The following BMERB1 variants were observed in gnomAD, a reference collection of about 807,000 sequenced individuals.
BMERB1 encodes the protein bMERB domain-containing protein 1.
Under a neutral mutation model 23.6 loss-of-function variants are expected in BMERB1, and 12 were observed. That is an observed-to-expected ratio of 0.51 (90% CI 0.33 to 0.82). The LOEUF (loss-of-function observed/expected upper bound fraction) is 0.82. Ranked by LOEUF, BMERB1 falls within the 40% of genes least tolerant of loss-of-function variation. BMERB1 has a pLI of 0.03. For missense variants in BMERB1, 247 were observed against 255.4 expected (o/e 0.97, Z 0.22); for synonymous variants, 122 against 96.6 (o/e 1.26, Z -1.54).
At chr16:15,484,197 C>T (rs1008956782) in intron 1 of BMERB1, among the ~76,000 whole-genome samples, 1 of 152,172 alleles carries the variant, frequency 6.6e-6, no homozygotes, top group African/African-American at 2.4e-5. Context: ...CAACAGGCCC[C>T]ACTTCCAACA....
At chr16:15,473,723 ATTCTT>A (rs1175535399) in intron 1 of BMERB1, among the ~76,000 whole-genome samples, 4 of 152,190 alleles carry the variant, frequency 2.6e-5, no homozygotes, top group Non-Finnish European at 5.9e-5. Flanking sequence ...ACAATTCATA[ATTCTT>A]TTCTTTTACT....
At chr16:15,510,075 G>A (rs1047102031) in intron 1 of BMERB1, among the ~76,000 whole-genome samples, 3 of 152,128 alleles carry the variant, frequency 2.0e-5, no homozygotes, top group African/African-American at 7.2e-5. Context: ...AGCCAGCAGG[G>A]GCTGCAAGGG....
At chr16:15,555,360 C>T (rs572191715) in intron 2 of BMERB1, among the ~76,000 whole-genome samples, 3 of 152,216 alleles carry the variant, frequency 2.0e-5, no homozygotes, top group African/African-American at 7.2e-5. Context: ...GCATGAGCCA[C>T]TGTGCCTGGC....
chr16:15,474,022 A>G (rs934332152), intron 1 of BMERB1, among the ~76,000 whole-genome samples: 26 of 151,538 alleles, frequency 1.7e-4, no homozygotes, highest in African/African-American at 6.3e-4. Flanking sequence ...CGGGAGGCTG[A>G]GGCAGGAGAA....
At chr16:15,495,299 G>T (rs1461432294) in intron 1 of BMERB1, among the ~76,000 whole-genome samples, 1 of 152,040 alleles carries the variant, frequency 6.6e-6, no homozygotes, top group South Asian at 2.1e-4. Context: ...GGGTTCAAGC[G>T]ATTCTCCTGC....
intron 3 of BMERB1, among the ~76,000 whole-genome samples, chr16:15,571,837 C>T (rs948464228): frequency 6.6e-6 from 1 of 152,082 alleles, no homozygotes; most frequent in Non-Finnish European, 1.5e-5. Context: ...CATTTGACTT[C>T]CTCCTCTACT....
At chr16:15,571,395 T>G (rs1399897398) in intron 3 of BMERB1, among the ~76,000 whole-genome samples, 1 of 151,206 alleles carries the variant, frequency 6.6e-6, no homozygotes. Context: ...TCTCGCTCTG[T>G]CCCCCAGGCT....
At chr16:15,452,018 C>T (rs912742316) in intron 1 of BMERB1, among the ~76,000 whole-genome samples, 1 of 151,978 alleles carries the variant, frequency 6.6e-6, no homozygotes, top group Non-Finnish European at 1.5e-5. Context: ...CAGTGGCTTA[C>T]GCCTGAAATC....
rs1252689034 is a variant in BMERB1 at position 15,584,507 on chromosome 16, G to A, written c.502+1269G>A. 5.5e-5 allele frequency among the ~76,000 whole-genome samples: 8 copies of A among 144,398 alleles called. No homozygotes were observed. The East Asian group carries it at 1.0e-3, about 18-fold the overall frequency. The allele number at this position is 144,398 out of a possible 152,430, so 94.7% of individuals were successfully genotyped here. A position where few individuals can be genotyped will look rare whatever the true frequency, so the allele number is the denominator to read the frequency against. ...GGGGAGGCGGAGCTTGCAGTGAGCC[G>A]AGATCACACCACTACACTCCAGCCT... is the stretch of plus-strand genomic sequence containing the variant. On this transcript the variant is annotated intron_variant, in intron 5 of 5. Transcript: ENST00000300006.
chr16:15,532,873 C>G (rs1434426229), intron 2 of BMERB1: 1 of 396,792 alleles, frequency 2.5e-6, no homozygotes, highest in African/African-American at 2.1e-5. Flanking sequence ...TACTAGATAT[C>G]CTGGTCTTGG....
intron 1 of BMERB1, among the ~76,000 whole-genome samples, chr16:15,444,139 T>TTTTTTGTTTTTTTTTTTTTTTTTTTG (rs1298601937): frequency 2.3e-5 from 3 of 133,042 alleles, no homozygotes; most frequent in Non-Finnish European, 4.8e-5. Flanking sequence ...TTTTTTTTTT[T>TTTTTTGTTTTTTTTTTTTTTTTTTTG]TTTTTTTTTT....
At position 15,587,420 on chromosome 16, in the gene BMERB1, TG is replaced by T; in HGVS notation, c.*593del. 1 of 305,710 alleles carries T rather than the reference TG, an allele frequency of 3.3e-6. No individual in the cohort carries two copies. The allele number at this position is 305,710 out of a possible 1,614,324, so 18.9% of individuals were successfully genotyped here. Reference sequence around the variant, plus strand: ...AAGATCGAGCTTGTGTGTGGTGTCGTGGTCACATCTCCCGCTTCCCCCCATC... The same window carrying T: ...AAGATCGAGCTTGTGTGTGGTGTCGTGTCACATCTCCCGCTTCCCCCCATC... On this transcript the variant is annotated 3_prime_UTR_variant, in exon 6 of 6. Transcript: ENST00000300006.
At chr16:15,441,919 C>T (rs78525141) in intron 1 of BMERB1, among the ~76,000 whole-genome samples, 128 of 152,214 alleles carry the variant, frequency 8.4e-4, no homozygotes, top group African/African-American at 2.8e-3. Context: ...TGATATAGTC[C>T]GTGATTCCTT....
chr16:15,516,852 G>T (rs2051766505), intron 2 of BMERB1, among the ~76,000 whole-genome samples: 1 of 141,502 alleles, frequency 7.1e-6, no homozygotes, highest in Admixed American at 7.0e-5. Flanking sequence ...TAAATTTTTA[G>T]TTACTTATTT....
At chr16:15,446,102 T>C (rs2050986906) in intron 1 of BMERB1, among the ~76,000 whole-genome samples, 1 of 151,920 alleles carries the variant, frequency 6.6e-6, no homozygotes, top group African/African-American at 2.4e-5. Context: ...AAAATAAAAA[T>C]AAAAAAGTTA....
At chr16:15,516,502 C>G (rs891133417) in intron 2 of BMERB1, among the ~76,000 whole-genome samples, 1 of 152,082 alleles carries the variant, frequency 6.6e-6, no homozygotes, top group Non-Finnish European at 1.5e-5. Flanking sequence ...GGGCTTTTGC[C>G]GACAAACAGT....
chr16:15,559,446 G>A (rs1301800880), intron 2 of BMERB1, among the ~76,000 whole-genome samples: 1 of 152,234 alleles, frequency 6.6e-6, no homozygotes, highest in Admixed American at 6.5e-5. Flanking sequence ...GCAGGAGCTA[G>A]GGCTGAATCT....
chr16:15,540,664 G>GT (rs1220851952), intron 2 of BMERB1, among the ~76,000 whole-genome samples: 2 of 152,234 alleles, frequency 1.3e-5, no homozygotes, highest in Non-Finnish European at 2.9e-5. Flanking sequence ...CGATAAGGAT[G>GT]TTGCACCTGG....
At chr16:15,448,415 C>T (rs1182154182) in intron 1 of BMERB1, among the ~76,000 whole-genome samples, 1 of 152,102 alleles carries the variant, frequency 6.6e-6, no homozygotes, top group African/African-American at 2.4e-5. Flanking sequence ...GTTATTATGT[C>T]TCAGAAGGAA....
Sources: gnomAD v4.1 joint callset for allele counts (sites outside exome capture counted in the v4.1 genomes callset) on GRCh38, gnomAD v4.1.1 for gene constraint, MANE v1.5 for transcripts, NCBI Gene and HGNC (gene_info 2026-07-23, HGNC 2026-07-21) for gene names.